MAGI2: variants seen among roughly 807,000 people sequenced by gnomAD.
MAGI2 encodes membrane associated guanylate kinase, WW and PDZ domain containing 2, also known as membrane-associated guanylate kinase, WW and PDZ domain-containing protein 2.
MAGI2 carries 35 observed loss-of-function variants against 133.3 expected under a neutral mutation model. The observed-to-expected ratio is 0.26, with a 90% CI of 0.20 to 0.35. MAGI2 has a LOEUF of 0.35. Ranked by LOEUF, MAGI2 falls within the 10% of genes least tolerant of loss-of-function variation. MAGI2 has a pLI of 1.00. For missense variants in MAGI2, 1,636 were observed against 1,863.4 expected (o/e 0.88, Z 2.25); for synonymous variants, 729 against 710.6 (o/e 1.03, Z -0.41).
In MAGI2 at chr7:78,195,002, G is replaced by A. The variant is rs778878537; in HGVS notation, c.2141C>T (p.Pro714Leu). Residue 714 changes from proline to leucine, a missense_variant, in exon 12 of 22, where the codon CCG becomes CTG. Physicochemically the swap from Pro to Leu is moderately conservative, Grantham distance 98. Around this residue, in one of 5 missense-constraint regions of MAGI2, gnomAD observed 920 missense variants for 1,093.5 expected, o/e 0.84. Transcript: ENST00000354212. Reference protein sequence around the residue: ...PQTSLSAPAIPQNLPFPPALH... With the variant: ...PQTSLSAPAILQNLPFPPALH... ...GGCAGGTGGGAAGGGCAGGTTCTGC[G>A]GTATGGCCGGAGCAGATAAACTCGT... is the stretch of plus-strand genomic sequence containing the variant. 4 of 1,614,006 alleles carry A rather than the reference G, an allele frequency of 2.5e-6. No homozygotes were observed. Among genetic ancestry groups the A allele is most frequent in the Admixed American group, 1.7e-5 (1 of 60,024 alleles).
At chr7:78,980,339 A>G (rs1166732360) in intron 2 of MAGI2, among the ~76,000 whole-genome samples, 1 of 151,914 alleles carries the variant, frequency 6.6e-6, no homozygotes, top group Admixed American at 6.6e-5. Flanking sequence ...AAACTGCAAC[A>G]CAAATTTATA....
intron 2 of MAGI2, among the ~76,000 whole-genome samples, chr7:78,694,047 C>G (rs1392901854): frequency 6.6e-6 from 1 of 152,060 alleles, no homozygotes; most frequent in Non-Finnish European, 1.5e-5. Context: ...GATCCTTGTT[C>G]CACAATATAG....
chr7:79,445,511 G>A (rs1348230732), intron 1 of MAGI2, among the ~76,000 whole-genome samples: 3 of 152,164 alleles, frequency 2.0e-5, no homozygotes, highest in Admixed American at 2.0e-4. Context: ...CAAAGGATAT[G>A]AACAGACACT....
chr7:78,768,497 A>C (rs2151314446), intron 2 of MAGI2, among the ~76,000 whole-genome samples: 1 of 152,340 alleles, frequency 6.6e-6, no homozygotes, highest in East Asian at 1.9e-4. Flanking sequence ...AAATTATTCT[A>C]AACAGACACC....
intron 2 of MAGI2, among the ~76,000 whole-genome samples, chr7:78,850,199 T>C (rs936579745): frequency 1.3e-5 from 2 of 152,024 alleles, no homozygotes; most frequent in African/African-American, 2.4e-5. Flanking sequence ...GTTTTACAAA[T>C]GATAAAATAG....
chr7:78,377,536 G>A (rs1187542565), intron 6 of MAGI2, among the ~76,000 whole-genome samples: 1 of 151,728 alleles, frequency 6.6e-6, no homozygotes, highest in Non-Finnish European at 1.5e-5. Context: ...ATGTTAGTGG[G>A]AGAGGGGGCT....
intron 1 of MAGI2, among the ~76,000 whole-genome samples, chr7:79,085,261 G>A (rs140962109): frequency 0.012 from 1,828 of 151,796 alleles, 21 homozygotes; most frequent in Non-Finnish European, 0.018. Flanking sequence ...CTGCTACTGA[G>A]CCCCTCTCTA....
intron 2 of MAGI2, among the ~76,000 whole-genome samples, chr7:78,879,329 C>T (rs1026776700): frequency 5.9e-5 from 9 of 152,180 alleles, no homozygotes; most frequent in Non-Finnish European, 1.2e-4. Context: ...ACAGAGACTT[C>T]TCTCAATCAA....
chr7:78,823,412 C>A (rs1031025210), intron 2 of MAGI2, among the ~76,000 whole-genome samples: 2 of 151,716 alleles, frequency 1.3e-5, no homozygotes, highest in African/African-American at 4.8e-5. Flanking sequence ...TGAAACCCCA[C>A]CTCTACTAAA....
chr7:79,422,424 C>A (rs894556540), intron 1 of MAGI2, among the ~76,000 whole-genome samples: 2 of 151,684 alleles, frequency 1.3e-5, no homozygotes, highest in Admixed American at 1.3e-4. Flanking sequence ...ATTTTATTTT[C>A]CCCCAAAATC....
In MAGI2 at chr7:78,701,138, A is replaced by G. The variant is rs149110459; in HGVS notation, c.419-73899T>C. 3.2e-4 allele frequency among the ~76,000 whole-genome samples: 49 copies of G among 151,968 alleles called. No individual in the cohort carries two copies. In the East Asian group the frequency reaches 8.1e-3, roughly 25 times the overall value. On this transcript the variant is annotated intron_variant, in intron 2 of 21. Transcript: ENST00000354212. ...CATTATAAAAATTTTACAGTAAGAA[A>G]GACTGAACATTAATTATAAATTAGA...
chr7:79,440,073 A>T (rs1182029772), intron 1 of MAGI2, among the ~76,000 whole-genome samples: 1 of 151,582 alleles, frequency 6.6e-6, no homozygotes, highest in East Asian at 1.9e-4. Flanking sequence ...AGTACTGACC[A>T]CTCACTCAAT....
intron 20 of MAGI2, among the ~76,000 whole-genome samples, chr7:78,119,942 G>A (rs929480584): frequency 6.6e-6 from 1 of 152,168 alleles, no homozygotes; most frequent in Non-Finnish European, 1.5e-5. Flanking sequence ...ATATTTGCAG[G>A]TATGTTATGG....
intron 1 of MAGI2, among the ~76,000 whole-genome samples, chr7:79,282,686 G>A (rs975227059): frequency 1.3e-5 from 2 of 152,082 alleles, no homozygotes; most frequent in African/African-American, 2.4e-5. Context: ...TGAAAGAAAC[G>A]TTGGGCAAGG....
At chr7:78,515,606 A>G (rs1435972868) in intron 4 of MAGI2, among the ~76,000 whole-genome samples, 2 of 152,162 alleles carry the variant, frequency 1.3e-5, no homozygotes, top group Non-Finnish European at 1.5e-5. Flanking sequence ...AAAAATAAAA[A>G]AAGTCCTTGT....
At chr7:78,377,611 G>A (rs1794561253) in intron 6 of MAGI2, among the ~76,000 whole-genome samples, 1 of 148,672 alleles carries the variant, frequency 6.7e-6, no homozygotes, top group Admixed American at 6.9e-5. Flanking sequence ...CTGCAGATAA[G>A]TTCATAAGAC....
chr7:78,265,112 C>T (rs1006407914), intron 9 of MAGI2, among the ~76,000 whole-genome samples: 1 of 151,782 alleles, frequency 6.6e-6, no homozygotes, highest in Non-Finnish European at 1.5e-5. Flanking sequence ...TTAAGCAGCA[C>T]ACATCCAACA....
At chr7:79,260,532 A>G (rs1401641461) in intron 1 of MAGI2, among the ~76,000 whole-genome samples, 10 of 152,182 alleles carry the variant, frequency 6.6e-5, no homozygotes, top group Non-Finnish European at 1.3e-4. Context: ...TCACACATTA[A>G]TTCAACAAAT....
intron 12 of MAGI2, among the ~76,000 whole-genome samples, chr7:78,187,850 A>T (rs940583): frequency 0.28 from 42,108 of 152,068 alleles, 6,408 homozygotes; most frequent in South Asian, 0.36. Flanking sequence ...TCTAGCACTT[A>T]AACTCTATAG....
Sources: allele counts gnomAD v4.1 joint callset (sites outside exome capture counted in the v4.1 genomes callset), GRCh38; gene constraint gnomAD v4.1.1; regional missense constraint gnomAD v4.1.1; transcripts MANE v1.5; gene names NCBI Gene and HGNC (gene_info 2026-07-23, HGNC 2026-07-21).